Variants in GIPC2 observed in about 807,000 individuals in gnomAD.
The protein encoded by GIPC2 is GIPC PDZ domain containing family member 2.
In GIPC2, 30 loss-of-function variants were observed where a neutral mutation model predicts 30.6. That is an observed-to-expected ratio of 0.98 (90% CI 0.73 to 1.33). The LOEUF (loss-of-function observed/expected upper bound fraction) is 1.33. Among genes scored for constraint, GIPC2 ranks in the 40% most tolerant of loss-of-function variants. The pLI, the probability that GIPC2 is intolerant of heterozygous loss-of-function variation, is 0.00. For missense variants in GIPC2, 414 were observed against 390.3 expected (o/e 1.06, Z -0.51); for synonymous variants, 167 against 150.0 (o/e 1.11, Z -0.83).
Position 78,095,143 on chromosome 1 carries a change from G to A in GIPC2, c.607+11G>A, listed in dbSNP as rs1054340436. The A allele has an allele frequency of 6.3e-7, 1 of 1,599,454 alleles. No homozygotes were observed. Among genetic ancestry groups the A allele is most frequent in the South Asian group, 1.1e-5 (1 of 90,440 alleles). On this transcript the variant is annotated intron_variant, in intron 3 of 5. Coordinates refer to ENST00000370759, the MANE Select transcript of GIPC2 (RefSeq NM_017655.6). ...CTAAGAAGGCATTTGGTAAGTCAGG[G>A]GTTGGTGGGCGGGTGTGTGAAATGT... is the stretch of plus-strand genomic sequence containing the variant.
At chr1:78,070,620 T>C (rs1159895355) in intron 1 of GIPC2, among the ~76,000 whole-genome samples, 1 of 152,198 alleles carries the variant, frequency 6.6e-6, no homozygotes, top group Non-Finnish European at 1.5e-5. Context: ...TTACACCTAT[T>C]CCAATTCTTT....
At chr1:78,080,506 C>T (rs567472093) in intron 1 of GIPC2, among the ~76,000 whole-genome samples, 169 bp from the exon 2 acceptor site, 1 of 152,290 alleles carries the variant, frequency 6.6e-6, no homozygotes, top group Admixed American at 6.5e-5. Context: ...ATGCTACTGT[C>T]TGAAAATGTG....
At chr1:78,085,189 A>C (rs1661904442) in intron 2 of GIPC2, among the ~76,000 whole-genome samples, 1 of 152,152 alleles carries the variant, frequency 6.6e-6, no homozygotes, top group African/African-American at 2.4e-5. Context: ...TGAGATAATC[A>C]TGTTGTTTTT....
intron 3 of GIPC2, among the ~76,000 whole-genome samples, chr1:78,100,978 A>T (rs1335467499): frequency 6.7e-6 from 1 of 149,852 alleles, no homozygotes; most frequent in African/African-American, 2.5e-5. Context: ...ACACACACAC[A>T]CACATACACA....
chr1:78,130,390 C>T (rs917641699), intron 5 of GIPC2, among the ~76,000 whole-genome samples: 1 of 152,114 alleles, frequency 6.6e-6, no homozygotes, highest in African/African-American at 2.4e-5. Context: ...GCATGAGCTA[C>T]CATGCCGGGC....
intron 1 of GIPC2, among the ~76,000 whole-genome samples, chr1:78,058,824 A>G (rs896063236): frequency 3.3e-5 from 5 of 152,210 alleles, no homozygotes; most frequent in Non-Finnish European, 7.4e-5. Flanking sequence ...TCCAAGATAT[A>G]TACTTCAAAA....
At chr1:78,116,591 T>C (rs187635951) in intron 3 of GIPC2, among the ~76,000 whole-genome samples, 1 of 151,820 alleles carries the variant, frequency 6.6e-6, no homozygotes, top group East Asian at 2.0e-4. Flanking sequence ...CACCTATGAA[T>C]GAGAACATGC....
chr1:78,086,408 G>C (rs1255545670), intron 2 of GIPC2, among the ~76,000 whole-genome samples: 1 of 152,122 alleles, frequency 6.6e-6, no homozygotes, highest in Non-Finnish European at 1.5e-5. Flanking sequence ...TGTTGTTTTT[G>C]GGTGGAGAGT....
chr1:78,080,677 C>G lies in GIPC2; in HGVS notation c.243C>G (p.Ile81Met). The change falls in exon 2 of 6, where the codon ATC becomes ATG. Residue 81 changes from isoleucine (I) to methionine (M), a missense_variant and splice_region_variant. Transcript: ENST00000370759. Reference protein sequence around the residue: ...AGAFEISPSEILYCTLNTPKI... With the variant: ...AGAFEISPSEMLYCTLNTPKI... ...TGACATTTTATTTTTCTTTGCAGAT[C>G]TTATATTGCACTTTAAACACACCTA... 1 of 1,571,582 alleles carries G rather than the reference C, an allele frequency of 6.4e-7. No individual in the cohort carries two copies. The highest frequency in any genetic ancestry group is 8.7e-7 in the Non-Finnish European group (1 of 1,150,680).
chr1:78,078,970 C>G (rs1297877860), intron 1 of GIPC2, among the ~76,000 whole-genome samples: 1 of 152,092 alleles, frequency 6.6e-6, no homozygotes, highest in Non-Finnish European at 1.5e-5. Flanking sequence ...TCAACCCATT[C>G]ACAGTGATTT....
Position 78,138,436 on chromosome 1 carries a change from C to T in GIPC2, c.*2693C>T, listed in dbSNP as rs1222145244. 6.6e-6 allele frequency: 1 copy of T among 152,124 alleles called. No individual in the cohort carries two copies. The highest frequency in any genetic ancestry group is 2.4e-5 in the African/African-American group (1 of 41,422). 9.4% of individuals were successfully genotyped at this position (152,124 alleles called of 1,614,324 possible). A position where few individuals can be genotyped will look rare whatever the true frequency, so the allele number is the denominator to read the frequency against. On this transcript the variant is annotated 3_prime_UTR_variant, in exon 6 of 6. Transcript: ENST00000370759. ...GCAACTTTAGCAAATACACATATTC[C>T]AAGTAAAACTTTATTTAGTCCCATG... is the stretch of plus-strand genomic sequence containing the variant.
At chr1:78,059,852 G>A (rs1179637302) in intron 1 of GIPC2, among the ~76,000 whole-genome samples, 1 of 152,172 alleles carries the variant, frequency 6.6e-6, no homozygotes, top group Non-Finnish European at 1.5e-5. Flanking sequence ...GCTAGACAGA[G>A]AATTTAAAAC....
chr1:78,085,311 G>A (rs962748172), intron 2 of GIPC2, among the ~76,000 whole-genome samples: 2 of 152,184 alleles, frequency 1.3e-5, no homozygotes, highest in Admixed American at 6.5e-5. Context: ...GGTTTTTGAT[G>A]TGCTGCTGGA....
At chr1:78,094,325 A>G (rs1200082459) in intron 2 of GIPC2, among the ~76,000 whole-genome samples, 1 of 152,254 alleles carries the variant, frequency 6.6e-6, no homozygotes, top group African/African-American at 2.4e-5. Context: ...AGTAGTGAAT[A>G]AGACCATCTC....
intron 3 of GIPC2, among the ~76,000 whole-genome samples, chr1:78,099,443 CT>C (rs1300122222): frequency 1.4e-3 from 198 of 143,350 alleles, no homozygotes; most frequent in Non-Finnish European, 1.3e-3. Context: ...TTTTCTCTTT[CT>C]TTTTTTTTTT....
upstream of GIPC2, chr1:78,045,017 T>TG (rs756701682): frequency 4.0e-5 from 34 of 851,360 alleles, no homozygotes; most frequent in Admixed American, 5.0e-4. Context: ...AGGAGCAGGG[T>TG]GGGGACGGGG....
chr1:78,092,821 A>G (rs1466494623), intron 2 of GIPC2: 2 of 152,204 alleles, frequency 1.3e-5, no homozygotes, highest in Non-Finnish European at 2.9e-5. Context: ...CTGGATTCTC[A>G]CCCTGCTGTC....
intron 1 of GIPC2, among the ~76,000 whole-genome samples, chr1:78,068,050 A>G (rs1661552267): frequency 6.6e-6 from 1 of 152,126 alleles, no homozygotes; most frequent in Non-Finnish European, 1.5e-5. Flanking sequence ...TAAGTTGAAC[A>G]TTTCAGTTAA....
chr1:78,114,805 T>C (rs562400843), intron 3 of GIPC2, among the ~76,000 whole-genome samples: 1 of 152,300 alleles, frequency 6.6e-6, no homozygotes, highest in African/African-American at 2.4e-5. Flanking sequence ...CATTGGGTGA[T>C]TATGATGTGT....
Sources: gnomAD v4.1 joint callset for allele counts (sites outside exome capture counted in the v4.1 genomes callset) on GRCh38, gnomAD v4.1.1 for gene constraint, MANE v1.5 for transcripts, NCBI Gene and HGNC (gene_info 2026-07-23, HGNC 2026-07-21) for gene names.